The following ATP9B variants were observed in gnomAD, a reference collection of about 807,000 sequenced individuals.
ATP9B encodes the protein probable phospholipid-transporting ATPase IIB.
Under a neutral mutation model 146.1 loss-of-function variants are expected in ATP9B, and 110 were observed. That is an observed-to-expected ratio of 0.75 (90% CI 0.65 to 0.88). ATP9B has a LOEUF of 0.88. Ranked by LOEUF, ATP9B falls within the 40% of genes least tolerant of loss-of-function variation. The probability of loss-of-function intolerance (pLI) is 0.00; values close to 1 mark genes in which losing one functional copy is unlikely to be tolerated. For synonymous variants in ATP9B, 604 were observed against 569.7 expected (o/e 1.06, Z -0.86); for missense variants, 1,499 against 1,496.4 (o/e 1.00, Z -0.03).
intron 11 of ATP9B, among the ~76,000 whole-genome samples, chr18:79,238,424 G>C (rs2095861379): frequency 6.6e-6 from 1 of 152,190 alleles, no homozygotes; most frequent in Non-Finnish European, 1.5e-5. Context: ...GCATGTGCAG[G>C]GCCCCTGCCT....
chr18:79,227,742 A>G (rs1568447467), intron 11 of ATP9B, among the ~76,000 whole-genome samples: 1 of 152,104 alleles, frequency 6.6e-6, no homozygotes, highest in African/African-American at 2.4e-5. Flanking sequence ...GCTCCAGCCC[A>G]GCACTTGTTT....
chr18:79,096,795 A>T (rs1173995585), intron 2 of ATP9B, 146 bp downstream of exon 2: 1 of 696,700 alleles, frequency 1.4e-6, no homozygotes, highest in Non-Finnish European at 2.3e-6. Flanking sequence ...TACATTAATC[A>T]AAGCCAAACA....
At chr18:79,071,252 C>T (rs2071734050) in intron 1 of ATP9B, among the ~76,000 whole-genome samples, 1 of 151,488 alleles carries the variant, frequency 6.6e-6, no homozygotes, top group Non-Finnish European at 1.5e-5. Context: ...TCACTTAGGT[C>T]CTCACTTTAA....
intron 14 of ATP9B, among the ~76,000 whole-genome samples, chr18:79,306,268 C>T (rs2096619936): frequency 6.6e-6 from 1 of 152,208 alleles, no homozygotes; most frequent in African/African-American, 2.4e-5. Context: ...GGAGTGTCCT[C>T]TGACACCCTC....
chr18:79,126,482 GTAT>G (rs2094289160), intron 5 of ATP9B, 107 bp downstream of exon 5: 28 of 765,548 alleles, frequency 3.7e-5, no homozygotes, highest in Non-Finnish European at 5.4e-5. Context: ...ATTGAAAATA[GTAT>G]TATGTGATTG....
intron 13 of ATP9B, among the ~76,000 whole-genome samples, chr18:79,295,655 G>T (rs1211030063): frequency 1.3e-5 from 2 of 152,212 alleles, no homozygotes; most frequent in East Asian, 1.9e-4. Context: ...TTACACTCAG[G>T]TATCATGTGG....
chr18:79,194,063 A>G (rs1460984560), intron 9 of ATP9B, among the ~76,000 whole-genome samples: 4 of 152,138 alleles, frequency 2.6e-5, no homozygotes, highest in African/African-American at 4.8e-5. Flanking sequence ...GTAGCTGCCT[A>G]TTTCCATAGG....
intron 7 of ATP9B, among the ~76,000 whole-genome samples, chr18:79,163,366 A>G (rs1272403713): frequency 5.9e-5 from 9 of 152,190 alleles, no homozygotes; most frequent in Admixed American, 5.9e-4. Context: ...AGAAATTTAG[A>G]TATTTGTTTC....
intron 1 of ATP9B, among the ~76,000 whole-genome samples, chr18:79,094,608 G>GA (rs1252516452): frequency 1.3e-5 from 2 of 152,080 alleles, no homozygotes; most frequent in African/African-American, 2.4e-5. Flanking sequence ...AAGGAAAAAA[G>GA]AAAAAAACGT....
At chr18:79,293,529 C>A (rs1599700792) in intron 13 of ATP9B, among the ~76,000 whole-genome samples, 1 of 152,274 alleles carries the variant, frequency 6.6e-6, no homozygotes, top group Non-Finnish European at 1.5e-5. Context: ...CATCATGGGG[C>A]GGCCTGCAGT....
chr18:79,203,862 A>G lies in ATP9B; in HGVS notation c.955-3075A>G, dbSNP rs375143067. 2.4e-3 allele frequency among the ~76,000 whole-genome samples: 364 copies of G among 152,314 alleles called. 2 individuals are homozygous for G. Among genetic ancestry groups the G allele is most frequent in the South Asian group, 6.4e-3 (31 of 4,820 alleles). ...GATGTCTATCTTTTTTGTTTCTTCAACAGTGTTAGAGGATATATATCTTTT... is the reference window on the plus strand; with the variant it reads ...GATGTCTATCTTTTTTGTTTCTTCAGCAGTGTTAGAGGATATATATCTTTT... On this transcript the variant is annotated intron_variant, in intron 9 of 29. Transcript: ENST00000426216.
intron 15 of ATP9B, among the ~76,000 whole-genome samples, chr18:79,315,711 TATG>T (rs1249079921): frequency 3.3e-5 from 5 of 152,238 alleles, no homozygotes; most frequent in Admixed American, 6.5e-5. Context: ...TATTCTCTCA[TATG>T]ATATTACTTC....
At chr18:79,075,803 A>G (rs1364671969) in intron 1 of ATP9B, among the ~76,000 whole-genome samples, 3 of 151,698 alleles carry the variant, frequency 2.0e-5, no homozygotes, top group Non-Finnish European at 4.4e-5. Context: ...CGTAATGTTT[A>G]TGCCATTTTA....
rs372119731 is a variant in ATP9B, at chr18:79,143,874, T to A, written c.726+14T>A. On this transcript the variant is annotated intron_variant, in intron 6 of 29. Transcript: ENST00000426216. ...ATAGTGGAAAAGGTTGATGATTTTT[T>A]AATATATTTTAGACCTATGTATGCT... The A allele has an allele frequency of 8.9e-5, 136 of 1,532,974 alleles. No homozygotes were observed. The highest frequency in any genetic ancestry group is 3.4e-4 in the Middle Eastern group (2 of 5,826). 95.0% of individuals were successfully genotyped at this position (1,532,974 alleles called of 1,614,324 possible). A position where few individuals can be genotyped will look rare whatever the true frequency, so the allele number is the denominator to read the frequency against.
At chr18:79,111,901 CTA>C (rs2076026278) in intron 3 of ATP9B, among the ~76,000 whole-genome samples, 1 of 152,058 alleles carries the variant, frequency 6.6e-6, no homozygotes, top group African/African-American at 2.4e-5. Context: ...AGTAGGAGTT[CTA>C]TGTCATTTTT....
chr18:79,329,868 G>T, intron 16 of ATP9B, 144 bp from the exon 17 acceptor site: 1 of 703,906 alleles, frequency 1.4e-6, no homozygotes. Flanking sequence ...AGCCCTCCGC[G>T]TAGAAACACG....
intron 13 of ATP9B, among the ~76,000 whole-genome samples, chr18:79,289,691 CT>C (rs555440310): frequency 6.6e-6 from 1 of 152,258 alleles, no homozygotes; most frequent in East Asian, 1.9e-4. Context: ...AGGCGCTCTG[CT>C]TTTTAGAGTT....
intron 16 of ATP9B, 134 bp from the exon 17 acceptor site, chr18:79,329,878 G>A (rs552227833): frequency 3.9e-5 from 29 of 753,042 alleles, no homozygotes; most frequent in Admixed American, 3.2e-4. Flanking sequence ...GTAGAAACAC[G>A]TGTGAGGAGC....
chr18:79,247,221 G>T (rs1469756226), intron 11 of ATP9B, among the ~76,000 whole-genome samples: 1 of 152,190 alleles, frequency 6.6e-6, no homozygotes, highest in African/African-American at 2.4e-5. Context: ...TATCAGTAAA[G>T]GCTGCCACAC....
Sources: gnomAD v4.1 joint callset for allele counts (sites outside exome capture counted in the v4.1 genomes callset) on GRCh38, gnomAD v4.1.1 for gene constraint, MANE v1.5 for transcripts, NCBI Gene and HGNC (gene_info 2026-07-23, HGNC 2026-07-21) for gene names.